SPAG9: variants seen among roughly 807,000 people sequenced by gnomAD.
SPAG9 encodes sperm associated antigen 9.
In SPAG9, 35 loss-of-function variants were observed where a neutral mutation model predicts 166.5. That is an observed-to-expected ratio of 0.21 (90% CI 0.16 to 0.28). The LOEUF is 0.28. SPAG9 is among the 10% of genes least tolerant of loss of function. SPAG9 has a pLI of 1.00. For synonymous variants in SPAG9, 534 were observed against 565.5 expected (o/e 0.94, Z 0.79); for missense variants, 1,235 against 1,603.3 (o/e 0.77, Z 3.92).
At chr17:51,088,167 C>A (rs1456233161) in intron 1 of SPAG9, among the ~76,000 whole-genome samples, 1 of 152,170 alleles carries the variant, frequency 6.6e-6, no homozygotes, top group Non-Finnish European at 1.5e-5. Flanking sequence ...CAGTCCGTCA[C>A]TCTGTAGTCA....
intron 1 of SPAG9, among the ~76,000 whole-genome samples, chr17:51,117,571 G>A (rs867243145): frequency 3.3e-5 from 5 of 151,664 alleles, no homozygotes; most frequent in African/African-American, 1.2e-4. Context: ...AATTAGCCAG[G>A]CGTGGTGGCA....
At chr17:51,056,275 A>C in intron 3 of SPAG9, 137 bp downstream of exon 3, 1 of 653,916 alleles carries the variant, frequency 1.5e-6, no homozygotes, top group Middle Eastern at 4.0e-4. Flanking sequence ...ATGAAATTTA[A>C]TGTTTTCTTG....
chr17:50,978,324 T>C (rs907775473), intron 26 of SPAG9, among the ~76,000 whole-genome samples: 1 of 152,226 alleles, frequency 6.6e-6, no homozygotes, highest in African/African-American at 2.4e-5. Flanking sequence ...TAGTTTGTGT[T>C]TGCATGTGTA....
chr17:51,113,972 G>A (rs1042737973), intron 1 of SPAG9, among the ~76,000 whole-genome samples: 1 of 152,128 alleles, frequency 6.6e-6, no homozygotes, highest in Admixed American at 6.6e-5. Flanking sequence ...TCTGGCCTGG[G>A]CAACAGAGTG....
At chr17:50,993,315 C>CAAAA (rs71149333) in intron 19 of SPAG9, among the ~76,000 whole-genome samples, 2 of 79,846 alleles carry the variant, frequency 2.5e-5, no homozygotes, top group East Asian at 3.7e-4. Flanking sequence ...GACTCTGTCT[C>CAAAA]AAAAAAAAAA....
chr17:51,023,549 C>A (rs1200943300), intron 6 of SPAG9, among the ~76,000 whole-genome samples: 1 of 152,010 alleles, frequency 6.6e-6, no homozygotes, highest in Admixed American at 6.5e-5. Context: ...GAGAAAGTCA[C>A]AATTTTTTTA....
At chr17:50,994,079 G>T (rs1975856447) in intron 18 of SPAG9, 144 bp from the exon 19 acceptor site, 5 of 785,740 alleles carry the variant, frequency 6.4e-6, no homozygotes, top group Non-Finnish European at 1.0e-5. Context: ...CACTGATGTG[G>T]TTTGGCTGCG....
In SPAG9 at chr17:50,989,785, G is replaced by A; in HGVS notation, c.2705C>T (p.Ala902Val). 1 of 1,614,126 alleles carries A rather than the reference G, an allele frequency of 6.2e-7. No homozygotes were observed. The highest frequency in any genetic ancestry group is 1.1e-5 in the South Asian group (1 of 91,078). The change falls in exon 21 of 30, where the codon GCT (alanine) becomes GTT (valine). Residue 902 changes from alanine to valine, a missense_variant. Ala to Val is a moderately conservative substitution (Grantham distance 64). This residue lies in a region of SPAG9 where 493 missense variants were observed against 559.4 expected (regional missense o/e 0.88). Coordinates refer to ENST00000262013, the MANE Select transcript of SPAG9 (RefSeq NM_001130528.3). ...TEATEGNAGS[A>V]EDTVDISQTG... Reference sequence around the variant, plus strand: ...TTGGGAGATGTCCACTGTGTCTTCAGCTGACCCCGCATTCCCTTCTGTAGC... The same window carrying A: ...TTGGGAGATGTCCACTGTGTCTTCAACTGACCCCGCATTCCCTTCTGTAGC...
At chr17:51,037,685 A>ATATATATATATATATAGTGTGTGT in intron 5 of SPAG9, among the ~76,000 whole-genome samples, 1 of 83,490 alleles carries the variant, frequency 1.2e-5, no homozygotes, top group African/African-American at 3.9e-5. Flanking sequence ...ATATATATAT[A>ATATATATATATATATAGTGTGTGT]GTGTGTGTGT....
intron 1 of SPAG9, among the ~76,000 whole-genome samples, chr17:51,087,680 T>A (rs951875270): frequency 6.6e-6 from 1 of 152,196 alleles, no homozygotes; most frequent in Admixed American, 6.6e-5. Context: ...ATTACTAGGT[T>A]TGTATAGTAC....
intron 9 of SPAG9, among the ~76,000 whole-genome samples, chr17:51,008,565 A>G (rs1441766413): frequency 1.3e-5 from 2 of 152,122 alleles, no homozygotes; most frequent in African/African-American, 4.8e-5. Context: ...AAAAAAGGTA[A>G]TTTTCCAAAT....
chr17:50,968,180 TA>T (rs1253848086), intron 29 of SPAG9, among the ~76,000 whole-genome samples: 4 of 152,240 alleles, frequency 2.6e-5, no homozygotes, highest in African/African-American at 9.6e-5. Flanking sequence ...AATCAATTTC[TA>T]AAGTTCACAC....
At chr17:51,046,445 C>A in intron 4 of SPAG9, 1 of 1,312,308 alleles carries the variant, frequency 7.6e-7, no homozygotes, top group Non-Finnish European at 1.0e-6. Context: ...ACCCGTTGAG[C>A]TAAAAATTTA....
chr17:50,996,501 C>T, intron 16 of SPAG9, 64 bp downstream of exon 16: 2 of 1,585,286 alleles, frequency 1.3e-6, no homozygotes, highest in African/African-American at 2.7e-5. Context: ...ATCCTTCATG[C>T]CCACGCACAC....
At chr17:51,094,353 G>A (rs1331468474) in intron 1 of SPAG9, among the ~76,000 whole-genome samples, 1 of 152,138 alleles carries the variant, frequency 6.6e-6, no homozygotes, top group Non-Finnish European at 1.5e-5. Context: ...TGACAAAACA[G>A]ACAAAGCAGG....
In SPAG9 at chr17:50,987,105, C is replaced by T; in HGVS notation, c.2939+7G>A. On this transcript the variant is annotated splice_region_variant and intron_variant, in intron 22 of 29. Coordinates refer to ENST00000262013, the MANE Select transcript of SPAG9 (RefSeq NM_001130528.3). ...CATATTCTAATGTTAAAAGCATTGA[C>T]ACCTACCAGCCATTTTGAGCTCCAA... 1 of 1,602,632 alleles carries T rather than the reference C, an allele frequency of 6.2e-7. No homozygotes were observed. The highest frequency in any genetic ancestry group is 8.5e-7 in the Non-Finnish European group (1 of 1,176,762).
chr17:51,080,381 TC>T (rs1341427023), intron 1 of SPAG9, among the ~76,000 whole-genome samples: 3 of 151,980 alleles, frequency 2.0e-5, no homozygotes, highest in African/African-American at 7.2e-5. Flanking sequence ...CCTCCTTTTC[TC>T]CCCAACTTCT....
chr17:50,990,522 C>G lies in SPAG9; in HGVS notation c.2545G>C (p.Ala849Pro). 6.2e-7 allele frequency: 1 copy of G among 1,614,224 alleles called. No individual in the cohort carries two copies. Among genetic ancestry groups the G allele is most frequent in the Non-Finnish European group, 8.5e-7 (1 of 1,180,032 alleles). Reference protein sequence around the residue: ...LGGITVVGCSAEGVTGAATSP... With the variant: ...LGGITVVGCSPEGVTGAATSP... ...GTGGCAGCTCCCGTCACACCTTCTGCAGAACAACCAACCACTGTGATGCCT... is the reference window on the plus strand; with the variant it reads ...GTGGCAGCTCCCGTCACACCTTCTGGAGAACAACCAACCACTGTGATGCCT... Residue 849 changes from alanine (A) to proline (P), a missense_variant, in exon 20 of 30, where the codon GCA becomes CCA. By Grantham distance (27) the Ala-to-Pro change is conservative. Transcript: ENST00000262013.
chr17:51,073,878 G>A lies in SPAG9; in HGVS notation c.424+5706C>T, dbSNP rs773353330. On this transcript the variant is annotated intron_variant, in intron 2 of 29. Transcript: ENST00000262013. ...AACACTTTGGGAGGCCGAGGTGGGC[G>A]GACCACAAGGTCAGGAGTTCGAGAC... 4.6e-5 allele frequency among the ~76,000 whole-genome samples: 7 copies of A among 152,206 alleles called. No homozygotes were observed. In the East Asian group the frequency reaches 5.8e-4, roughly 13 times the overall value.
Sources: allele counts gnomAD v4.1 joint callset (sites outside exome capture counted in the v4.1 genomes callset), GRCh38; gene constraint gnomAD v4.1.1; regional missense constraint gnomAD v4.1.1; transcripts MANE v1.5; gene names NCBI Gene and HGNC (gene_info 2026-07-23, HGNC 2026-07-21).